Variants in DGKB observed in about 807,000 individuals in gnomAD.
The protein encoded by DGKB is diacylglycerol kinase beta.
DGKB carries 67 observed loss-of-function variants against 114.3 expected under a neutral mutation model. The observed-to-expected ratio is 0.59, with a 90% CI of 0.48 to 0.72. DGKB has a LOEUF of 0.72. DGKB is among the 30% of genes least tolerant of loss of function. The probability of loss-of-function intolerance (pLI) is 0.00; values close to 1 mark genes in which losing one functional copy is unlikely to be tolerated. For synonymous variants in DGKB, 398 were observed against 323.1 expected, an observed-to-expected ratio of 1.23 and a Z score of -2.49; for missense variants, 907 against 975.2, an observed-to-expected ratio of 0.93 and a Z score of 0.93.
At chr7:14,671,822 C>G (rs114422802) in intron 13 of DGKB, among the ~76,000 whole-genome samples, 2,023 of 152,146 alleles carry the variant, frequency 0.013, 42 homozygotes, top group African/African-American at 0.046. Flanking sequence ...TTCAAGACAA[C>G]ACTTAAATGA....
At chr7:14,501,718 G>A (rs1210560605) in intron 20 of DGKB, among the ~76,000 whole-genome samples, 3 of 151,878 alleles carry the variant, frequency 2.0e-5, no homozygotes, top group Admixed American at 6.6e-5. Context: ...CTTACTTTTC[G>A]AATGGGAGTG....
intron 23 of DGKB, among the ~76,000 whole-genome samples, chr7:14,264,880 T>A (rs558999498): frequency 6.6e-6 from 1 of 152,278 alleles, no homozygotes; most frequent in South Asian, 2.1e-4. Context: ...GGTTGTTGTT[T>A]TAAACTACTA....
chr7:14,731,024 T>C (rs527737009), intron 5 of DGKB, among the ~76,000 whole-genome samples: 2 of 152,308 alleles, frequency 1.3e-5, no homozygotes, highest in East Asian at 1.9e-4. Flanking sequence ...AATTAAACTA[T>C]GACACTGGCA....
chr7:14,563,353 A>C (rs928439218), intron 20 of DGKB, among the ~76,000 whole-genome samples: 2 of 152,216 alleles, frequency 1.3e-5, no homozygotes, highest in African/African-American at 4.8e-5. Context: ...TAACTCTTGT[A>C]ATGAAATATA....
intron 21 of DGKB, among the ~76,000 whole-genome samples, chr7:14,469,753 G>A (rs1168357019): frequency 6.6e-6 from 1 of 151,916 alleles, no homozygotes; most frequent in Non-Finnish European, 1.5e-5. Context: ...AAAAATATAT[G>A]AATCGAGGAG....
intron 21 of DGKB, among the ~76,000 whole-genome samples, chr7:14,477,797 C>T (rs145991707): frequency 5.5e-4 from 84 of 152,218 alleles, no homozygotes; most frequent in African/African-American, 1.9e-3. Context: ...ATACACTTAG[C>T]ATTATCAAAT....
intron 1 of DGKB, among the ~76,000 whole-genome samples, chr7:14,958,477 C>CACACACACACA (rs1562903995): frequency 1.2e-5 from 1 of 84,782 alleles, no homozygotes; most frequent in Non-Finnish European, 2.4e-5. Flanking sequence ...ACACACACAC[C>CACACACACACA]CCGTCCAGGA....
chr7:14,943,912 G>A (rs898756183), intron 1 of DGKB, among the ~76,000 whole-genome samples: 1 of 151,762 alleles, frequency 6.6e-6, no homozygotes, highest in South Asian at 2.1e-4. Flanking sequence ...GGTTTCATCT[G>A]TTTTCTCTAG....
intron 25 of DGKB, among the ~76,000 whole-genome samples, chr7:14,151,524 A>T (rs1024209295): frequency 6.6e-6 from 1 of 151,990 alleles, no homozygotes; most frequent in African/African-American, 2.4e-5. Flanking sequence ...TATCTCATTC[A>T]GTGCTCTTGA....
chr7:14,942,417 C>T (rs1355321515), intron 1 of DGKB, among the ~76,000 whole-genome samples: 1 of 151,888 alleles, frequency 6.6e-6, no homozygotes, highest in African/African-American at 2.4e-5. Flanking sequence ...TACATTATTA[C>T]ATTATATTTA....
At chr7:14,408,540 T>G (rs1002002991) in intron 21 of DGKB, among the ~76,000 whole-genome samples, 7 of 152,138 alleles carry the variant, frequency 4.6e-5, no homozygotes, top group African/African-American at 1.2e-4. Context: ...GCAGGCAAAA[T>G]GCCATTGGAG....
intron 25 of DGKB, among the ~76,000 whole-genome samples, chr7:14,162,924 G>A (rs540766513): frequency 2.6e-5 from 4 of 152,168 alleles, no homozygotes; most frequent in African/African-American, 7.2e-5. Context: ...TATCCAGGTC[G>A]ATTTGTGCAC....
intron 14 of DGKB, among the ~76,000 whole-genome samples, chr7:14,623,233 C>T (rs574076062): frequency 6.0e-4 from 91 of 152,262 alleles, no homozygotes; most frequent in African/African-American, 2.1e-3. Flanking sequence ...GCAATGCATG[C>T]CATGGGTGCT....
Position 14,360,415 on chromosome 7 carries a change from A to C in DGKB, c.1836-15024T>G, listed in dbSNP as rs557598558. On this transcript the variant is annotated intron_variant, in intron 21 of 25. Coordinates refer to ENST00000402815, the MANE Select transcript of DGKB (RefSeq NM_001350709.2). The stretch of plus-strand genomic sequence containing the variant: ...TAACATGGCACATGTATACCTATGT[A>C]ATACGTTGTGCACATGTACCCTAGA... Among the ~76,000 whole-genome samples the C allele has an allele frequency of 6.6e-5, 10 of 151,924 alleles. 1 individual carries two copies. In the South Asian group the frequency reaches 2.1e-3, roughly 32 times the overall value.
At chr7:14,457,160 T>C (rs1301721492) in intron 21 of DGKB, among the ~76,000 whole-genome samples, 1 of 152,172 alleles carries the variant, frequency 6.6e-6, no homozygotes, top group East Asian at 1.9e-4. Context: ...AGTTAAAAAG[T>C]ATGCCGCATG....
intron 23 of DGKB, among the ~76,000 whole-genome samples, chr7:14,292,623 C>T (rs1172228828): frequency 2.0e-5 from 3 of 152,278 alleles, no homozygotes; most frequent in Non-Finnish European, 4.4e-5. Flanking sequence ...GGTGAGACCA[C>T]ATTTTATTAA....
intron 20 of DGKB, among the ~76,000 whole-genome samples, chr7:14,549,816 G>T (rs764837411): frequency 1.3e-5 from 2 of 151,896 alleles, no homozygotes; most frequent in Admixed American, 1.3e-4. Flanking sequence ...GTGAAACCCC[G>T]TCTCTACTAA....
chr7:14,215,116 C>T (rs1419257326), intron 23 of DGKB, among the ~76,000 whole-genome samples: 2 of 152,168 alleles, frequency 1.3e-5, no homozygotes, highest in Admixed American at 6.5e-5. Context: ...TGACCGGAGG[C>T]AGCAGTTGAG....
chr7:14,747,478 A>T (rs1833471010), intron 4 of DGKB, among the ~76,000 whole-genome samples: 1 of 151,970 alleles, frequency 6.6e-6, no homozygotes, highest in South Asian at 2.1e-4. Flanking sequence ...CTTTTCAAAT[A>T]TCTCCTAAAA....
Sources: gnomAD v4.1 joint callset for allele counts (sites outside exome capture counted in the v4.1 genomes callset) on GRCh38, gnomAD v4.1.1 for gene constraint, MANE v1.5 for transcripts, NCBI Gene and HGNC (gene_info 2026-07-23, HGNC 2026-07-21) for gene names.